The following FANCC variants were observed in gnomAD, a reference collection of about 807,000 sequenced individuals.
FANCC encodes the protein FA complementation group C.
FANCC carries 55 observed loss-of-function variants against 71.3 expected under a neutral mutation model. The observed-to-expected ratio is 0.77, with a 90% CI of 0.62 to 0.97. FANCC has a LOEUF of 0.97. Among genes scored for constraint, FANCC ranks in the 50% least tolerant of loss-of-function variants. The pLI is 0.00. For synonymous variants in FANCC, 275 were observed against 244.9 expected (o/e 1.12, Z -1.15); for missense variants, 678 against 670.9 (o/e 1.01, Z -0.12).
chr9:95,108,780 T>C (rs1210618238), intron 13 of FANCC, among the ~76,000 whole-genome samples: 4 of 152,252 alleles, frequency 2.6e-5, no homozygotes, highest in Admixed American at 2.6e-4. Context: ...TATATACTTC[T>C]TGTCTTTTTT....
At chr9:95,262,942 G>C (rs1473798120) in intron 1 of FANCC, among the ~76,000 whole-genome samples, 1 of 152,194 alleles carries the variant, frequency 6.6e-6, no homozygotes, top group Non-Finnish European at 1.5e-5. Flanking sequence ...TTCATGAGGG[G>C]AGACAGTAAT....
At chr9:95,313,767 T>G (rs145059982) in intron 1 of FANCC, among the ~76,000 whole-genome samples, 1 of 152,358 alleles carries the variant, frequency 6.6e-6, no homozygotes, top group Non-Finnish European at 1.5e-5. Context: ...ATAACATGAC[T>G]AAATGGGATT....
At chr9:95,108,094 A>G (rs1368709778) in intron 13 of FANCC, among the ~76,000 whole-genome samples, 1 of 152,202 alleles carries the variant, frequency 6.6e-6, no homozygotes, top group African/African-American at 2.4e-5. Context: ...ACTTAGGCCT[A>G]TTCTGAGAAT....
At chr9:95,161,842 CTTTT>C (rs71366277) in intron 6 of FANCC, among the ~76,000 whole-genome samples, 2 of 110,760 alleles carry the variant, frequency 1.8e-5, no homozygotes, top group African/African-American at 3.2e-5. Flanking sequence ...CTTTTCTTTT[CTTTT>C]TTTTTTTTTT....
chr9:95,153,599 T>C (rs1310122141), intron 6 of FANCC, among the ~76,000 whole-genome samples: 1 of 152,226 alleles, frequency 6.6e-6, no homozygotes, highest in Non-Finnish European at 1.5e-5. Context: ...CATTTTTTCA[T>C]ATGCTTGGCC....
intron 1 of FANCC, among the ~76,000 whole-genome samples, chr9:95,299,025 G>A (rs1834564445): frequency 6.6e-6 from 1 of 152,164 alleles, no homozygotes; most frequent in Non-Finnish European, 1.5e-5. Flanking sequence ...CTAAATTGCA[G>A]TCATGTTCTT....
At chr9:95,165,596 A>G (rs1831021071) in intron 6 of FANCC, among the ~76,000 whole-genome samples, 1 of 151,820 alleles carries the variant, frequency 6.6e-6, no homozygotes, top group African/African-American at 2.4e-5. Flanking sequence ...GAATTTTCCA[A>G]TTTTCTTTTT....
chr9:95,266,348 C>T (rs1268430572), intron 1 of FANCC, among the ~76,000 whole-genome samples: 7 of 152,100 alleles, frequency 4.6e-5, no homozygotes, highest in Non-Finnish European at 1.0e-4. Context: ...GTCATTGAAA[C>T]TCACTTTGGA....
chr9:95,291,938 ACT>A (rs1291921904), intron 1 of FANCC, among the ~76,000 whole-genome samples: 1 of 99,186 alleles, frequency 1.0e-5, no homozygotes, highest in South Asian at 4.1e-4. Flanking sequence ...AGAGAGTGAG[ACT>A]CTGTCTCAAA....
intron 7 of FANCC, among the ~76,000 whole-genome samples, chr9:95,145,733 T>TATGTGAGAACTGAGA (rs1829444863): frequency 6.6e-6 from 1 of 151,986 alleles, no homozygotes; most frequent in Non-Finnish European, 1.5e-5. Flanking sequence ...CAGGCCTGAC[T>TATGTGAGAACTGAGA]ATGTGAGAAC....
At chr9:95,180,741 A>G (rs1270935657) in intron 4 of FANCC, among the ~76,000 whole-genome samples, 3 of 152,062 alleles carry the variant, frequency 2.0e-5, no homozygotes, top group African/African-American at 7.2e-5. Flanking sequence ...TTATCAAGTA[A>G]TTATGTACTA....
chr9:95,111,532 C>T lies in FANCC; in HGVS notation c.1260G>A (p.Thr420=), dbSNP rs749709412. Residue 420 remains threonine, a synonymous_variant, in exon 13 of 15, where the codon ACG becomes ACA. Transcript: ENST00000289081. The part of the protein sequence containing the change: ...QLLMSAAEPP[T]ALLWLLAFYY... ...AGAAGGCCAAGAGCCACAGCAGGGC[C>T]GTGGGGGGTTCGGCTGCCGACATCA... 14 of 1,614,004 alleles carry T rather than the reference C, an allele frequency of 8.7e-6. No homozygotes were observed. The East Asian group carries it at 1.1e-4, about 13-fold the overall frequency.
chr9:95,175,463 T>C (rs1825954294), intron 4 of FANCC, among the ~76,000 whole-genome samples: 1 of 152,186 alleles, frequency 6.6e-6, no homozygotes, highest in African/African-American at 2.4e-5. Context: ...GTTATTGTTT[T>C]TTCCCTCTTT....
At chr9:95,292,438 C>G in intron 1 of FANCC, 2 of 1,152,462 alleles carry the variant, frequency 1.7e-6, no homozygotes, top group Non-Finnish European at 2.1e-6. Context: ...GCCGCCGCCT[C>G]GGGCCCGTGG....
chr9:95,242,118 A>C (rs1830666028), intron 3 of FANCC, among the ~76,000 whole-genome samples: 1 of 152,218 alleles, frequency 6.6e-6, no homozygotes, highest in Non-Finnish European at 1.5e-5. Context: ...ATGCTTTTCC[A>C]ATAACTAACA....
chr9:95,210,578 G>A (rs12342782), intron 4 of FANCC, among the ~76,000 whole-genome samples: 34,183 of 152,012 alleles, frequency 0.22, 4,981 homozygotes, highest in Non-Finnish European at 0.33. Flanking sequence ...ATCCTACGAG[G>A]TGGTAAAGTT....
rs554177200 is a variant in FANCC at position 95,100,931 on chromosome 9, G to A, written c.*776C>T. On this transcript the variant is annotated 3_prime_UTR_variant, in exon 15 of 15. Transcript: ENST00000289081. Reference sequence around the variant, plus strand: ...AGGTGTGAGCCACTGCACCCAGCCAGGCCAATTCTTTATCAGGAATTTCCA... The same window carrying A: ...AGGTGTGAGCCACTGCACCCAGCCAAGCCAATTCTTTATCAGGAATTTCCA... The A allele has an allele frequency of 4.3e-6, 1 of 233,162 alleles. No individual in the cohort carries two copies. The highest frequency in any genetic ancestry group is 5.6e-5 in the Admixed American group (1 of 17,798). 14.4% of individuals were successfully genotyped at this position (233,162 alleles called of 1,614,324 possible).
intron 4 of FANCC, 71 bp from the exon 5 acceptor site, chr9:95,172,218 A>G (rs920875008): frequency 1.0e-6 from 1 of 962,474 alleles, no homozygotes; most frequent in South Asian, 1.4e-5. Context: ...TACAATGCCT[A>G]CAATTTATTT....
rs369774588 is a variant in FANCC, at chr9:95,101,460, G to C, written c.*247C>G. The C allele has an allele frequency of 1.8e-6, 1 of 562,088 alleles. No individual in the cohort carries two copies. Among genetic ancestry groups the C allele is most frequent in the Non-Finnish European group, 3.2e-6 (1 of 313,088 alleles). 34.8% of individuals were successfully genotyped at this position (562,088 alleles called of 1,614,324 possible). A position where few individuals can be genotyped will look rare whatever the true frequency, so the allele number is the denominator to read the frequency against. On this transcript the variant is annotated 3_prime_UTR_variant, in exon 15 of 15. Coordinates refer to ENST00000289081, the MANE Select transcript of FANCC (RefSeq NM_000136.3). ...TCAAGCTGACGGTCTGGCCGGGCGG[G>C]CACCAGGAGTACCGAAGGCTCACTT...
Sources: gnomAD v4.1 joint callset for allele counts (sites outside exome capture counted in the v4.1 genomes callset) on GRCh38, gnomAD v4.1.1 for gene constraint, MANE v1.5 for transcripts, NCBI Gene and HGNC (gene_info 2026-07-23, HGNC 2026-07-21) for gene names.